Variants in KAZN observed in about 807,000 individuals in gnomAD.
The protein encoded by KAZN is kazrin.
Under a neutral mutation model 87.4 loss-of-function variants are expected in KAZN, and 40 were observed. The observed-to-expected ratio is 0.46, with a 90% confidence interval of 0.36 to 0.60. The LOEUF (loss-of-function observed/expected upper bound fraction) is 0.60, where lower values mean the gene tolerates loss of function less well. Ranked by LOEUF, KAZN falls within the 20% of genes least tolerant of loss-of-function variation. The probability of loss-of-function intolerance (pLI) is 0.00; values close to 1 mark genes in which losing one functional copy is unlikely to be tolerated. For missense variants in KAZN, 898 were observed against 1,073.9 expected, an observed-to-expected ratio of 0.84 and a Z score of 2.29; for synonymous variants, 466 against 458.3, an observed-to-expected ratio of 1.02 and a Z score of -0.22.
rs57203868 is a variant in KAZN, at chr1:14,727,450, C to CTTTTTTTTTT, written c.226+128264_226+128273dup. On this transcript the variant is annotated intron_variant, in intron 1 of 14. Transcript: ENST00000376030. ...GTCCATCACATTTATTGTGCACTTT[C>CTTTTTTTTTT]TTTTTTTTTTTTTTTTTTTTTTTTT... 7.2e-4 allele frequency among the ~76,000 whole-genome samples: 53 copies of CTTTTTTTTTT among 73,908 alleles called. 1 individual carries two copies. The highest frequency in any genetic ancestry group is 1.9e-3 in the East Asian group (4 of 2,122). The allele number at this position is 73,908 out of a possible 152,430, so 48.5% of individuals were successfully genotyped here.
intron 1 of KAZN, among the ~76,000 whole-genome samples, chr1:14,039,025 G>A (rs1001534662): frequency 1.3e-5 from 2 of 152,072 alleles, no homozygotes; most frequent in African/African-American, 2.4e-5. Context: ...CAAAAAATTA[G>A]CTGGGCATGG....
At chr1:14,116,618 G>GTCAGAGC (rs954159526) in intron 1 of KAZN, among the ~76,000 whole-genome samples, 30 of 152,204 alleles carry the variant, frequency 2.0e-4, no homozygotes, top group African/African-American at 6.8e-4. Flanking sequence ...GAAATGTGGG[G>GTCAGAGC]TCAGAGCCCC....
Position 13,988,872 on chromosome 1 carries a change from A to G in KAZN, c.91+95116A>G, listed in dbSNP as rs975244485. 1.5e-4 allele frequency among the ~76,000 whole-genome samples: 23 copies of G among 152,176 alleles called. 1 individual carries two copies. The highest frequency in any genetic ancestry group is 7.2e-4 in the Admixed American group (11 of 15,282). ...CACTTGTGAAAACATTTTGCAGACA[A>G]TCTCAGGAATTCAGGCTACTCCTGA... On this transcript the variant is annotated intron_variant, in intron 1 of 16. Coordinates refer to the KAZN transcript ENST00000636203.
At chr1:14,542,170 A>G (rs1484327953) in intron 2 of KAZN, among the ~76,000 whole-genome samples, 1 of 152,094 alleles carries the variant, frequency 6.6e-6, no homozygotes, top group Non-Finnish European at 1.5e-5. Context: ...GAAGTCCACC[A>G]AAAAGAACTA....
Position 15,101,481 on chromosome 1 carries a change from C to T in KAZN, c.1548-62C>T, listed in dbSNP as rs901120898. The T allele has an allele frequency of 2.5e-5, 29 of 1,144,126 alleles. No homozygotes were observed. In the Admixed American group the frequency reaches 3.2e-4, roughly 13 times the overall value. 70.9% of individuals were successfully genotyped at this position (1,144,126 alleles called of 1,614,324 possible). ...CTCTGCATCTCCACCCATTTCTGCCCGTCCGTCTGTTTCTGCCGCCTTTCC... is the reference window on the plus strand; with the variant it reads ...CTCTGCATCTCCACCCATTTCTGCCTGTCCGTCTGTTTCTGCCGCCTTTCC... On this transcript the variant is annotated intron_variant, in intron 10 of 14. Transcript: ENST00000376030.
chr1:14,036,389 T>G (rs1368129522), intron 1 of KAZN, among the ~76,000 whole-genome samples: 4 of 152,218 alleles, frequency 2.6e-5, no homozygotes, highest in African/African-American at 9.6e-5. Context: ...CTTCATGTTC[T>G]GCACAGGCCG....
intron 2 of KAZN, among the ~76,000 whole-genome samples, chr1:14,369,759 C>T (rs920007910): frequency 3.3e-5 from 5 of 152,176 alleles, no homozygotes; most frequent in African/African-American, 4.8e-5. Context: ...GTAAGCCCAA[C>T]GTCCCCATGC....
intron 1 of KAZN, among the ~76,000 whole-genome samples, chr1:14,063,973 A>G (rs560602794): frequency 1.6e-4 from 24 of 152,016 alleles, no homozygotes; most frequent in East Asian, 3.9e-4. Flanking sequence ...CTCGAGTGCA[A>G]TGGTGTGATC....
intron 2 of KAZN, among the ~76,000 whole-genome samples, chr1:14,481,256 G>A (rs1038650683): frequency 1.3e-5 from 2 of 152,150 alleles, no homozygotes; most frequent in Non-Finnish European, 2.9e-5. Flanking sequence ...ATTGATAAAA[G>A]TACCTACTGC....
At chr1:14,008,013 A>G (rs984122191) in intron 1 of KAZN, among the ~76,000 whole-genome samples, 2 of 152,168 alleles carry the variant, frequency 1.3e-5, no homozygotes, top group Non-Finnish European at 2.9e-5. Context: ...GGAGTCTTCC[A>G]TCTGATACAT....
intron 2 of KAZN, among the ~76,000 whole-genome samples, chr1:14,332,585 C>T (rs990868311): frequency 3.3e-5 from 5 of 152,280 alleles, no homozygotes; most frequent in Admixed American, 2.6e-4. Context: ...CATGCCCCAG[C>T]CTGGACATAA....
chr1:14,255,185 T>C (rs1232404523), intron 2 of KAZN, among the ~76,000 whole-genome samples: 3 of 148,692 alleles, frequency 2.0e-5, no homozygotes, highest in Non-Finnish European at 4.5e-5. Flanking sequence ...AACCAGTGTC[T>C]CAAATAGTGA....
At chr1:14,248,825 C>A (rs1649748775) in intron 2 of KAZN, among the ~76,000 whole-genome samples, 1 of 152,168 alleles carries the variant, frequency 6.6e-6, no homozygotes, top group South Asian at 2.1e-4. Flanking sequence ...GAGACTAGGT[C>A]ATGAAAGGTT....
intron 1 of KAZN, among the ~76,000 whole-genome samples, chr1:14,835,543 G>A (rs144561645): frequency 3.9e-5 from 6 of 152,254 alleles, no homozygotes; most frequent in Admixed American, 1.3e-4. Flanking sequence ...TAAAGTTATG[G>A]ATAGTCTCAT....
At chr1:14,492,389 A>G (rs779863142) in intron 2 of KAZN, among the ~76,000 whole-genome samples, 1 of 151,898 alleles carries the variant, frequency 6.6e-6, no homozygotes, top group Non-Finnish European at 1.5e-5. Flanking sequence ...TCATTCACTC[A>G]TTCTGTCAGT....
At chr1:14,566,020 T>A (rs1210344964) in intron 2 of KAZN, among the ~76,000 whole-genome samples, 1 of 152,244 alleles carries the variant, frequency 6.6e-6, no homozygotes, top group African/African-American at 2.4e-5. Context: ...ACAAATGTTC[T>A]TAATGACATC....
chr1:14,491,342 G>A (rs1669635246), intron 2 of KAZN, among the ~76,000 whole-genome samples: 1 of 152,118 alleles, frequency 6.6e-6, no homozygotes, highest in Non-Finnish European at 1.5e-5. Flanking sequence ...TAGGATACAT[G>A]TGCAGAATGT....
chr1:14,040,644 C>T (rs949097878), intron 1 of KAZN, among the ~76,000 whole-genome samples: 11 of 152,056 alleles, frequency 7.2e-5, no homozygotes, highest in Admixed American at 6.6e-5. Context: ...CGCCTGTAAT[C>T]CCAGCTACTC....
chr1:14,611,902 T>C (rs1677849005), intron 1 of KAZN, among the ~76,000 whole-genome samples: 1 of 152,190 alleles, frequency 6.6e-6, no homozygotes, highest in South Asian at 2.1e-4. Flanking sequence ...CATAAAATAT[T>C]GATTGCACTT....
Sources: gnomAD v4.1 joint callset for allele counts (sites outside exome capture counted in the v4.1 genomes callset) on GRCh38, gnomAD v4.1.1 for gene constraint, MANE v1.5 for transcripts, NCBI Gene and HGNC (gene_info 2026-07-23, HGNC 2026-07-21) for gene names.